The following SRPK1 variants were observed in gnomAD, a reference collection of about 807,000 sequenced individuals.
SRPK1 encodes SFRS protein kinase 1.
In SRPK1, 52 loss-of-function variants were observed where a neutral mutation model predicts 89.5. The observed-to-expected ratio is 0.58, with a 90% CI of 0.46 to 0.73. SRPK1 has a LOEUF of 0.73. SRPK1 is among the 30% of genes least tolerant of loss of function. The pLI, the probability that SRPK1 is intolerant of heterozygous loss-of-function variation, is 0.00. For synonymous variants in SRPK1, 255 were observed against 270.2 expected (o/e 0.94, Z 0.55); for missense variants, 603 against 780.6 (o/e 0.77, Z 2.71).
In SRPK1 at chr6:35,872,680, T is replaced by C; in HGVS notation, c.634A>G (p.Thr212Ala). 6.2e-7 allele frequency: 1 copy of C among 1,611,428 alleles called. No homozygotes were observed. Among genetic ancestry groups the C allele is most frequent in the Non-Finnish European group, 8.5e-7 (1 of 1,178,820 alleles). The change falls in exon 8 of 16, where the codon ACT becomes GCT. Residue 212 changes from threonine to alanine, a missense_variant. By Grantham distance (58) the Thr-to-Ala change is moderately conservative (BLOSUM62 0). Coordinates refer to ENST00000373825, the MANE Select transcript of SRPK1 (RefSeq NM_003137.5). ...YLHTKCRIIH[T>A]DIKPENILLS... is the part of the protein sequence containing the mutation. The stretch of plus-strand genomic sequence containing the variant: ...AAGATGTTCTCTGGTTTAATGTCAG[T>C]GTGGATGATACGGCACTTGGTATGT...
chr6:35,847,047 T>C (rs946796008), intron 13 of SRPK1, among the ~76,000 whole-genome samples: 3 of 152,242 alleles, frequency 2.0e-5, no homozygotes, highest in African/African-American at 4.8e-5. Context: ...GCTAACATTG[T>C]ACTCAATGGT....
intron 2 of SRPK1, among the ~76,000 whole-genome samples, chr6:35,918,257 T>C (rs935758287): frequency 7.9e-5 from 12 of 151,876 alleles, no homozygotes; most frequent in African/African-American, 4.8e-5. Context: ...TCCCAGCACT[T>C]TGGGAGGCTG....
At chr6:35,883,179 G>A (rs1770332834) in intron 6 of SRPK1, among the ~76,000 whole-genome samples, 1 of 152,138 alleles carries the variant, frequency 6.6e-6, no homozygotes, top group Non-Finnish European at 1.5e-5. Context: ...AGCACTTTGG[G>A]AGGCTGTGGC....
chr6:35,902,105 T>C (rs908595231), intron 2 of SRPK1, among the ~76,000 whole-genome samples: 1 of 151,784 alleles, frequency 6.6e-6, no homozygotes, highest in Non-Finnish European at 1.5e-5. Flanking sequence ...GATACACTAA[T>C]AGTATTAAGA....
intron 15 of SRPK1, among the ~76,000 whole-genome samples, chr6:35,837,013 G>C (rs748079071): frequency 7.2e-5 from 11 of 152,132 alleles, no homozygotes; most frequent in Non-Finnish European, 1.3e-4. Context: ...CACTTCTGTA[G>C]AAGTTGTGAG....
chr6:35,880,104 A>G (rs1447336698), intron 6 of SRPK1, among the ~76,000 whole-genome samples: 1 of 151,670 alleles, frequency 6.6e-6, no homozygotes, highest in Admixed American at 6.6e-5. Context: ...CTCAAAGAAC[A>G]AAAGGAAGAT....
intron 2 of SRPK1, among the ~76,000 whole-genome samples, chr6:35,913,577 C>G (rs974149026): frequency 2.4e-4 from 36 of 152,030 alleles, no homozygotes; most frequent in African/African-American, 8.7e-4. Context: ...GGTAGGTGAT[C>G]ACCTGAAGTC....
intron 12 of SRPK1, among the ~76,000 whole-genome samples, chr6:35,867,101 C>T (rs1769922057): frequency 1.3e-5 from 2 of 151,990 alleles, no homozygotes; most frequent in African/African-American, 4.8e-5. Context: ...CCTGACTTCA[C>T]CACAATGCAA....
chr6:35,878,988 G>A (rs1003483900), intron 6 of SRPK1, among the ~76,000 whole-genome samples: 63 of 152,100 alleles, frequency 4.1e-4, no homozygotes, highest in African/African-American at 7.2e-5. Flanking sequence ...CTACATGGGA[G>A]GCTGAGGCAG....
In SRPK1 at chr6:35,890,947, C is replaced by T; in HGVS notation, c.141G>A (p.Glu47=). 3 of 1,554,600 alleles carry T rather than the reference C, an allele frequency of 1.9e-6. No homozygotes were observed. The highest frequency in any genetic ancestry group is 2.6e-6 in the Non-Finnish European group (3 of 1,148,004). Residue 47 remains glutamate, a synonymous_variant, in exon 3 of 16, where the codon GAG becomes GAA. Transcript: ENST00000373825. ...SESDLPEQEE[E]ILGSDDDEQE... ...GCTCATCATCATCAGATCCCAGAAT[C>T]TCCTCTTCCTGCTCTGGTAGATCAC...
At chr6:35,888,529 C>T (rs1268886076) in intron 4 of SRPK1, among the ~76,000 whole-genome samples, 2 of 151,972 alleles carry the variant, frequency 1.3e-5, no homozygotes, top group Non-Finnish European at 2.9e-5. Flanking sequence ...AGAAATACTT[C>T]GGTGAAAAGA....
intron 13 of SRPK1, among the ~76,000 whole-genome samples, chr6:35,848,853 G>T (rs1330789617): frequency 6.6e-6 from 1 of 152,170 alleles, no homozygotes; most frequent in Non-Finnish European, 1.5e-5. Context: ...AATCGAAATG[G>T]ATGAAAGACT....
rs1474547973 is a variant in SRPK1 at position 35,842,550 on chromosome 6, A to C, written c.1675T>G (p.Tyr559Asp). 1 of 1,611,938 alleles carries C rather than the reference A, an allele frequency of 6.2e-7. No homozygotes were observed. Among genetic ancestry groups the C allele is most frequent in the Admixed American group, 1.7e-5 (1 of 59,744 alleles). ...YLFEPHSGEE[Y>D]TRDEDHIALI... The stretch of plus-strand genomic sequence containing the variant: ...GGGGACTCACCTTCATCTCGAGTGT[A>C]CTCTTCCCCTGAATGAGGTTCAAAC... Residue 559 changes from tyrosine to aspartate, a missense_variant, in exon 14 of 16, where the codon TAC becomes GAC. Coordinates refer to ENST00000373825, the MANE Select transcript of SRPK1 (RefSeq NM_003137.5).
In SRPK1 at chr6:35,833,193, G is replaced by C. The variant is rs542889978; in HGVS notation, c.*2111C>G. 2 of 152,728 alleles carry C rather than the reference G, an allele frequency of 1.3e-5. No homozygotes were observed. Among genetic ancestry groups the C allele is most frequent in the South Asian group, 4.1e-4 (2 of 4,830 alleles). The allele number at this position is 152,728 out of a possible 1,614,324, so 9.5% of individuals were successfully genotyped here. A position where few individuals can be genotyped will look rare whatever the true frequency, so the allele number is the denominator to read the frequency against. ...GGCAATTTGACAGTATTATAATTAAGCTCAATAAAGGTACATGGGGTACCT... is the reference window on the plus strand; with the variant it reads ...GGCAATTTGACAGTATTATAATTAACCTCAATAAAGGTACATGGGGTACCT... On this transcript the variant is annotated 3_prime_UTR_variant, in exon 16 of 16. Transcript: ENST00000373825.
chr6:35,869,153 G>C, intron 11 of SRPK1, 43 bp from the exon 12 acceptor site: 2 of 1,484,110 alleles, frequency 1.3e-6, no homozygotes, highest in Non-Finnish European at 1.9e-6. Context: ...TCAATGAACA[G>C]AGAAATACTC....
rs75579999 is a variant in SRPK1 at position 35,833,707 on chromosome 6, C to T, written c.*1597G>A. On this transcript the variant is annotated 3_prime_UTR_variant, in exon 16 of 16. Coordinates refer to ENST00000373825, the MANE Select transcript of SRPK1 (RefSeq NM_003137.5). Reference sequence around the variant, plus strand: ...TTTATGAGTTAAATGGATTGCATAACGGCACCACTTTTCCTTTGTCACTGT... The same window carrying T: ...TTTATGAGTTAAATGGATTGCATAATGGCACCACTTTTCCTTTGTCACTGT... 4,970 of 152,700 alleles carry T rather than the reference C, an allele frequency of 0.033. 96 individuals carry two copies. The highest frequency in any genetic ancestry group is 0.065 in the Middle Eastern group (19 of 294). The allele number at this position is 152,700 out of a possible 1,614,324, so 9.5% of individuals were successfully genotyped here.
At chr6:35,844,194 A>G in intron 13 of SRPK1, among the ~76,000 whole-genome samples, 1 of 151,226 alleles carries the variant, frequency 6.6e-6, no homozygotes, top group Non-Finnish European at 1.5e-5. Context: ...TTAGTAGGAC[A>G]GGGTTTCACC....
intron 2 of SRPK1, among the ~76,000 whole-genome samples, chr6:35,893,393 G>C (rs909718963): frequency 6.6e-6 from 1 of 152,086 alleles, no homozygotes; most frequent in African/African-American, 2.4e-5. Flanking sequence ...ACTGAGGTGG[G>C]AGGAATGCTT....
intron 2 of SRPK1, chr6:35,904,823 TAAAATAAA>T: frequency 4.9e-6 from 1 of 204,870 alleles, no homozygotes; most frequent in East Asian, 1.7e-4. Context: ...AGAAAAAAAG[TAAAATAAA>T]AAAATAAAAA....
Sources: allele counts gnomAD v4.1 joint callset (sites outside exome capture counted in the v4.1 genomes callset), GRCh38; gene constraint gnomAD v4.1.1; transcripts MANE v1.5; gene names NCBI Gene and HGNC (gene_info 2026-07-23, HGNC 2026-07-21).